The following FUT9 variants were observed in gnomAD, a reference collection of about 807,000 sequenced individuals.
FUT9 encodes the protein 4-galactosyl-N-acetylglucosaminide 3-alpha-L-fucosyltransferase 9.
Under a neutral mutation model 29.7 loss-of-function variants are expected in FUT9, and 15 were observed. That is an observed-to-expected ratio of 0.51 (90% confidence interval 0.34 to 0.78). The LOEUF is 0.78. FUT9 is among the 30% of genes least tolerant of loss of function. The pLI is 0.01. For missense variants in FUT9, 319 were observed against 425.4 expected (o/e 0.75, Z 2.20); for synonymous variants, 169 against 153.7 (o/e 1.10, Z -0.74).
intron 1 of FUT9, 24 bp from the exon 2 acceptor site, chr6:96,114,015 T>G (rs1487020620): frequency 1.3e-5 from 2 of 152,188 alleles, no homozygotes; most frequent in African/African-American, 4.8e-5. Context: ...ACTAACATAC[T>G]ACTTTATTTC....
intron 2 of FUT9, among the ~76,000 whole-genome samples, chr6:96,134,667 A>G (rs1185390987): frequency 1.3e-5 from 2 of 151,860 alleles, no homozygotes; most frequent in Non-Finnish European, 2.9e-5. Context: ...CACGAAACAG[A>G]TACATCATTA....
intron 2 of FUT9, among the ~76,000 whole-genome samples, chr6:96,146,218 A>G (rs1306904001): frequency 1.3e-5 from 2 of 152,228 alleles, no homozygotes; most frequent in Admixed American, 6.5e-5. Context: ...TTTATCAGAC[A>G]TGAGCTTCTC....
chr6:96,115,671 G>A (rs1771897311), intron 2 of FUT9, among the ~76,000 whole-genome samples: 2 of 152,126 alleles, frequency 1.3e-5, no homozygotes, highest in African/African-American at 4.8e-5. Flanking sequence ...CTTCGGTTCT[G>A]CTACCTAATG....
At chr6:96,167,877 C>T (rs1034258514) in intron 2 of FUT9, among the ~76,000 whole-genome samples, 3 of 152,034 alleles carry the variant, frequency 2.0e-5, no homozygotes, top group African/African-American at 7.2e-5. Flanking sequence ...CCACTGTGGC[C>T]ATAAACGAGT....
At chr6:96,035,099 A>C (rs1770327300) in intron 1 of FUT9, among the ~76,000 whole-genome samples, 2 of 151,754 alleles carry the variant, frequency 1.3e-5, no homozygotes, top group Non-Finnish European at 2.9e-5. Flanking sequence ...AAAGAGAAGA[A>C]ATCTTTATTA....
rs1445466559 is a variant in FUT9, at chr6:96,205,131, T to A, written c.*896T>A. ...TGTTTAATTATGTATCAATTTAAGA[T>A]TTTTTTCTGAAGCCCTAATATTTAA... On this transcript the variant is annotated 3_prime_UTR_variant, in exon 3 of 3. Coordinates refer to ENST00000302103, the MANE Select transcript of FUT9 (RefSeq NM_006581.4). The A allele has an allele frequency of 6.1e-6, 1 of 165,262 alleles. No homozygotes were observed. The highest frequency in any genetic ancestry group is 6.6e-5 in the Admixed American group (1 of 15,154). The allele number at this position is 165,262 out of a possible 1,614,324, so 10.2% of individuals were successfully genotyped here.
intron 2 of FUT9, among the ~76,000 whole-genome samples, chr6:96,159,950 A>C (rs968644398): frequency 1.4e-4 from 21 of 152,318 alleles, no homozygotes; most frequent in Admixed American, 1.3e-3. Flanking sequence ...CATTGATTAT[A>C]CCTTGAATAT....
chr6:96,029,981 A>G (rs1027851398), intron 1 of FUT9, among the ~76,000 whole-genome samples: 2 of 151,628 alleles, frequency 1.3e-5, no homozygotes, highest in Non-Finnish European at 3.0e-5. Flanking sequence ...ACAGAGTTTC[A>G]GAATCCAAGA....
At chr6:96,071,767 A>C (rs1348060151) in intron 1 of FUT9, among the ~76,000 whole-genome samples, 4 of 152,130 alleles carry the variant, frequency 2.6e-5, no homozygotes, top group Admixed American at 2.6e-4. Flanking sequence ...AATTATATAA[A>C]TGATAATAGT....
chr6:96,116,945 C>G (rs1771922950), intron 2 of FUT9, among the ~76,000 whole-genome samples: 1 of 151,938 alleles, frequency 6.6e-6, no homozygotes, highest in Non-Finnish European at 1.5e-5. Context: ...GCAGCATGCA[C>G]ATTAAAAAAA....
chr6:96,143,444 A>G (rs1243535871), intron 2 of FUT9, among the ~76,000 whole-genome samples: 3 of 152,156 alleles, frequency 2.0e-5, no homozygotes, highest in Non-Finnish European at 4.4e-5. Context: ...GATAGCAGAT[A>G]GTTCATATGG....
intron 1 of FUT9, among the ~76,000 whole-genome samples, chr6:96,080,585 A>T (rs2127950609): frequency 6.6e-6 from 1 of 152,148 alleles, no homozygotes; most frequent in Admixed American, 6.5e-5. Flanking sequence ...TAAATGTTCC[A>T]ATGATGATTA....
chr6:96,158,862 C>A (rs1202459144), intron 2 of FUT9, among the ~76,000 whole-genome samples: 1 of 152,100 alleles, frequency 6.6e-6, no homozygotes, highest in Admixed American at 6.6e-5. Context: ...TTTTTAAGCA[C>A]TTGCTTGCAG....
At chr6:96,155,233 A>G (rs1772757241) in intron 2 of FUT9, among the ~76,000 whole-genome samples, 2 of 151,420 alleles carry the variant, frequency 1.3e-5, no homozygotes, top group South Asian at 4.1e-4. Flanking sequence ...TAGAAGGGGT[A>G]AAAAAAACGC....
intron 1 of FUT9, among the ~76,000 whole-genome samples, chr6:96,043,022 A>T (rs117676801): frequency 0.018 from 2,757 of 152,252 alleles, 44 homozygotes; most frequent in Middle Eastern, 0.027. Context: ...TGTGGTGAGT[A>T]TTACATAAAT....
chr6:96,179,962 A>G (rs1164125794), intron 2 of FUT9, among the ~76,000 whole-genome samples: 3 of 152,186 alleles, frequency 2.0e-5, no homozygotes, highest in African/African-American at 4.8e-5. Flanking sequence ...AATGACAATT[A>G]GTGACACATT....
chr6:96,122,995 G>A (rs1406342089), intron 2 of FUT9, among the ~76,000 whole-genome samples: 2 of 130,156 alleles, frequency 1.5e-5, no homozygotes, highest in East Asian at 5.0e-4. Flanking sequence ...AGAAGGGGGA[G>A]CTTGCAGTGA....
intron 1 of FUT9, among the ~76,000 whole-genome samples, chr6:96,083,722 A>G (rs1380006859): frequency 2.0e-5 from 3 of 152,032 alleles, no homozygotes; most frequent in South Asian, 2.1e-4. Flanking sequence ...TGACTGCCAG[A>G]TCCTCCACAT....
chr6:96,096,012 A>T (rs1771488738), intron 1 of FUT9, among the ~76,000 whole-genome samples: 1 of 152,178 alleles, frequency 6.6e-6, no homozygotes, highest in Non-Finnish European at 1.5e-5. Context: ...AATGACTCAT[A>T]AAACCTATCT....
Sources: gnomAD v4.1 joint callset for allele counts (sites outside exome capture counted in the v4.1 genomes callset) on GRCh38, gnomAD v4.1.1 for gene constraint, MANE v1.5 for transcripts, NCBI Gene and HGNC (gene_info 2026-07-23, HGNC 2026-07-21) for gene names.